Variants in DUSP15 observed in about 807,000 individuals in gnomAD.
The protein encoded by DUSP15 is dual specificity phosphatase 15, also known as dual specificity protein phosphatase 15.
A neutral mutation model predicts 26.3 loss-of-function variants in DUSP15; 23 were observed. The ratio of observed to expected loss-of-function variants is 0.87; its 90% CI spans 0.63 to 1.24. DUSP15 has a LOEUF of 1.24. DUSP15 is among the 50% of genes most tolerant of loss of function. The pLI is 0.00. For missense variants in DUSP15, 364 were observed against 320.6 expected (o/e 1.14, Z -1.03); for synonymous variants, 143 against 135.5 (o/e 1.06, Z -0.39).
chr20:31,846,528 G>A (rs1043539898), downstream of DUSP15, among the ~76,000 whole-genome samples: 6 of 151,702 alleles, frequency 4.0e-5, no homozygotes, highest in Non-Finnish European at 1.5e-5. Context: ...AGAAGCCCCA[G>A]GGGCTTCTCT....
downstream of DUSP15, among the ~76,000 whole-genome samples, chr20:31,859,214 C>G (rs1284793689): frequency 6.6e-6 from 1 of 151,178 alleles, no homozygotes; most frequent in Admixed American, 6.6e-5. Flanking sequence ...TGCCTGCCGA[C>G]AGCTACACCT....
chr20:31,845,653 C>T (rs578208728), downstream of DUSP15: 59 of 1,367,066 alleles, frequency 4.3e-5, no homozygotes, highest in Non-Finnish European at 5.5e-5. Flanking sequence ...GCCCAGCCTC[C>T]CAGCCTGGAA....
At position 31,861,455 on chromosome 20, in the gene DUSP15, T is replaced by C. The variant is rs779667073; in HGVS notation, c.656A>G (p.Lys219Arg). ...HRPLPLLARV[K>R]QTFSCLPRCL... ...CCGGGGGAGGCAAGAGAAAGTCTGC[T>C]TGACGCGCGCCAGCAGCGGCAGCGG... The change falls in exon 7 of 7, where the codon AAG becomes AGG. Residue 219 changes from lysine (K) to arginine (R), a missense_variant. Physicochemically the swap from Lys to Arg is conservative, Grantham distance 26. Transcript: ENST00000339738. 21 of 1,557,374 alleles carry C rather than the reference T, an allele frequency of 1.3e-5. No homozygotes were observed. Among genetic ancestry groups the C allele is most frequent in the Non-Finnish European group, 1.6e-5 (19 of 1,162,364 alleles).
intron 2 of DUSP15, among the ~76,000 whole-genome samples, chr20:31,868,584 A>ATTCT (rs2062826519): frequency 7.1e-6 from 1 of 140,558 alleles, no homozygotes; most frequent in Non-Finnish European, 1.5e-5. Flanking sequence ...GGTTCAAGTG[A>ATTCT]TTCTCCTGCC....
chr20:31,862,596 T>A lies in DUSP15; in HGVS notation c.410A>T (p.Glu137Val). Reference sequence around the variant, plus strand: ...CTTCTGGGAACTGGCCCAGCCAAACTCTTCAAGCTGCTGCCTAAAGCCTGG... The same window carrying A: ...CTTCTGGGAACTGGCCCAGCCAAACACTTCAAGCTGCTGCCTAAAGCCTGG... The part of the protein sequence containing the change: ...PNPGFRQQLE[E>V]FGWASSQKLR... The change falls in exon 6 of 7, where the codon GAG (glutamate) becomes GTG (valine). Residue 137 changes from glutamate to valine, a missense_variant. By Grantham distance (121) the Glu-to-Val change is moderately radical. Transcript: ENST00000339738. 6.2e-7 allele frequency: 1 copy of A among 1,613,092 alleles called. No individual in the cohort carries two copies.
chr20:31,865,678 C>T (rs1304802974), intron 3 of DUSP15, among the ~76,000 whole-genome samples: 1 of 152,230 alleles, frequency 6.6e-6, no homozygotes, highest in Non-Finnish European at 1.5e-5. Context: ...GCCAGGTTCT[C>T]ATTTGTCCAT....
Position 31,862,562 on chromosome 20 carries a change from C to T in DUSP15, c.435+9G>A, listed in dbSNP as rs1204958585. 2 of 1,598,582 alleles carry T rather than the reference C, an allele frequency of 1.3e-6. No individual in the cohort carries two copies. The highest frequency in any genetic ancestry group is 2.7e-5 in the African/African-American group (2 of 74,718). On this transcript the variant is annotated intron_variant, in intron 6 of 6. Coordinates refer to ENST00000339738, the MANE Select transcript of DUSP15 (RefSeq NM_080611.5). ...CCTGGCCCAACCCAGCCCTTGACCC[C>T]ATCCCTACCTTCTGGGAACTGGCCC...
At chr20:31,864,629 G>A (rs1161039913) in intron 4 of DUSP15, among the ~76,000 whole-genome samples, 8 of 152,194 alleles carry the variant, frequency 5.3e-5, no homozygotes, top group East Asian at 3.9e-4. Context: ...GAGCCTGGCC[G>A]GAACTCAGAT....
chr20:31,850,506 C>A, intron 7 of DUSP15: 1 of 1,192,422 alleles, frequency 8.4e-7, no homozygotes, highest in Non-Finnish European at 1.2e-6. Context: ...TTATTGGGAG[C>A]CTGGGCTGGG....
At chr20:31,863,732 T>C in intron 5 of DUSP15, 175 bp downstream of exon 5, 1 of 612,120 alleles carries the variant, frequency 1.6e-6, no homozygotes, top group Non-Finnish European at 2.9e-6. Flanking sequence ...ACACAGCTCA[T>C]AAGGAATAGA....
intron 6 of DUSP15, among the ~76,000 whole-genome samples, chr20:31,850,970 C>T (rs1444248452): frequency 6.6e-6 from 1 of 152,208 alleles, no homozygotes; most frequent in Non-Finnish European, 1.5e-5. Context: ...CCAGACTGTT[C>T]CCACCAGTGC....
rs139571014 is a variant in DUSP15, at chr20:31,864,242, G to T, written c.189-261C>A. 9.1e-5 allele frequency: 111 copies of T among 1,219,722 alleles called. 1 individual carries two copies. In the East Asian group the frequency reaches 4.1e-3, roughly 45 times the overall value. 75.6% of individuals were successfully genotyped at this position (1,219,722 alleles called of 1,614,324 possible). ...TCTAGGCAGGAGCACTCCTCCTGTG[G>T]ACCCTGTTTTCATGTTGGGTTTATT... On this transcript the variant is annotated intron_variant, in intron 4 of 6. Transcript: ENST00000339738.
downstream of DUSP15, among the ~76,000 whole-genome samples, chr20:31,857,755 T>C (rs2062584984): frequency 1.3e-5 from 2 of 152,050 alleles, no homozygotes; most frequent in Non-Finnish European, 2.9e-5. Flanking sequence ...AGGAGCCAGT[T>C]TGGAAGAAGT....
downstream of DUSP15, among the ~76,000 whole-genome samples, chr20:31,856,538 A>C (rs1335078776): frequency 3.3e-5 from 5 of 152,198 alleles, no homozygotes; most frequent in Non-Finnish European, 7.3e-5. Context: ...CCGAAGAGAC[A>C]TTCTGCAGGG....
intron 5 of DUSP15, chr20:31,863,663 C>T: frequency 2.0e-6 from 1 of 495,962 alleles, no homozygotes; most frequent in East Asian, 3.5e-5. Flanking sequence ...GCTTTCTTTT[C>T]CGCATTTTAC....
intron 6 of DUSP15, among the ~76,000 whole-genome samples, chr20:31,850,942 G>A (rs1469076175): frequency 6.6e-6 from 1 of 152,214 alleles, no homozygotes; most frequent in Non-Finnish European, 1.5e-5. Context: ...GAGGAGGCCT[G>A]TGACTCCTCA....
intron 8 of DUSP15, chr20:31,849,698 GC>G (rs781044127): frequency 6.5e-7 from 1 of 1,534,612 alleles, no homozygotes. Context: ...GGCAGGCCCT[GC>G]AACACGTGGG....
At chr20:31,870,536 AGCC>A, upstream of DUSP15, 1 of 1,448,612 alleles carries the variant, frequency 6.9e-7, no homozygotes, top group South Asian at 1.4e-5. The surrounding 1 kb of genome is among the most constrained non-coding windows in gnomAD (Gnocchi z 6.6). Flanking sequence ...ATGGTGGTGG[AGCC>A]GCCGCTGCCA....
At chr20:31,852,475 G>T (rs1239810357) in intron 6 of DUSP15, among the ~76,000 whole-genome samples, 1 of 152,180 alleles carries the variant, frequency 6.6e-6, no homozygotes, top group Non-Finnish European at 1.5e-5. Flanking sequence ...GGGCAGGATG[G>T]TACCTGGGCC....
Sources: gnomAD v4.1 joint callset for allele counts (sites outside exome capture counted in the v4.1 genomes callset) on GRCh38, gnomAD v4.1.1 for gene constraint, Gnocchi (gnomAD v3.1) non-coding constraint, MANE v1.5 for transcripts, NCBI Gene and HGNC (gene_info 2026-07-23, HGNC 2026-07-21) for gene names.